The following PCBP3 variants were observed in gnomAD, a reference collection of about 807,000 sequenced individuals.
PCBP3 encodes the protein poly(rC) binding protein 3, also known as poly(rC)-binding protein 3.
In PCBP3, 25 loss-of-function variants were observed where a neutral mutation model predicts 52.7. The observed-to-expected ratio is 0.47, with a 90% CI of 0.35 to 0.66. The LOEUF (loss-of-function observed/expected upper bound fraction) is 0.66, where lower values mean the gene tolerates loss of function less well. PCBP3 is among the 30% of genes least tolerant of loss of function. The pLI, the probability that PCBP3 is intolerant of heterozygous loss-of-function variation, is 0.01. For synonymous variants in PCBP3, 162 were observed against 183.0 expected, an observed-to-expected ratio of 0.89 and a Z score of 0.93; for missense variants, 391 against 490.3, an observed-to-expected ratio of 0.80 and a Z score of 1.91.
In PCBP3 at chr21:45,805,636, G is replaced by T. The variant is rs541856167; in HGVS notation, c.-125-44325G>T. Reference sequence around the variant, plus strand: ...CCTGTCTGCTTTTGTGTCAACAGTTGGGGCAAGCACATTTTCACAGGGAGA... The same window carrying T: ...CCTGTCTGCTTTTGTGTCAACAGTTTGGGCAAGCACATTTTCACAGGGAGA... On this transcript the variant is annotated intron_variant, in intron 4 of 17. Coordinates refer to ENST00000681687, the MANE Select transcript of PCBP3 (RefSeq NM_001384156.1). This position sits in a 1 kb window ranked among gnomAD's most constrained non-coding sequence, Gnocchi z 4.6. Among the ~76,000 whole-genome samples, 1 of 152,298 alleles carries T rather than the reference G, an allele frequency of 6.6e-6. No individual in the cohort carries two copies. Among genetic ancestry groups the T allele is most frequent in the East Asian group, 1.9e-4 (1 of 5,178 alleles).
chr21:45,684,378 C>G lies in PCBP3; in HGVS notation c.-200+15426C>G, dbSNP rs111900227. On this transcript the variant is annotated intron_variant, in intron 2 of 17. Transcript: ENST00000681687. ...AACTCATAAGAGAGATAGAGAATTA[C>G]TGATTTTACTGCTTGATATAGTGTG... is the stretch of plus-strand genomic sequence containing the variant. Among the ~76,000 whole-genome samples the G allele has an allele frequency of 1.8e-4, 27 of 152,278 alleles. 1 individual carries two copies. Among genetic ancestry groups the G allele is most frequent in the African/African-American group, 6.0e-4 (25 of 41,540 alleles).
chr21:45,920,756 C>A (rs534813778), intron 13 of PCBP3, among the ~76,000 whole-genome samples: 2 of 152,310 alleles, frequency 1.3e-5, no homozygotes, highest in African/African-American at 4.8e-5. Context: ...CATGTGAGGA[C>A]AAGAGCGTTC....
At position 45,896,233 on chromosome 21, in the gene PCBP3, C is replaced by A. The variant is rs1775108375; in HGVS notation, c.36C>A (p.Val12=). The change falls in exon 6 of 18, where the codon GTC becomes GTA. Residue 12 remains valine, a synonymous_variant. Transcript: ENST00000681687. ...GTGACGCCTTCTGGGCCCCATCTGT[C>A]CTTCCTCACAGCACCCTCAGCACCT... ...GEGDAFWAPS[V]LPHSTLSTLS... is the part of the protein sequence containing the mutation. 6.4e-7 allele frequency: 1 copy of A among 1,552,100 alleles called. No individual in the cohort carries two copies. Among genetic ancestry groups the A allele is most frequent in the Non-Finnish European group, 8.7e-7 (1 of 1,147,112 alleles).
At chr21:45,911,989 C>T (rs545439274) in intron 11 of PCBP3, among the ~76,000 whole-genome samples, 4 of 152,354 alleles carry the variant, frequency 2.6e-5, no homozygotes, top group South Asian at 2.1e-4. Context: ...CCCTGCGGGC[C>T]GAGGCTCAGG....
rs188950019 is a variant in PCBP3 at position 45,893,875 on chromosome 21, G to A, written c.11-2333G>A. ...AGTGGTCCGAGCATGGGCTGCTGCA[G>A]GCTCTACTTCAGCCCTTCATTTCCT... On this transcript the variant is annotated intron_variant, in intron 5 of 17. Transcript: ENST00000681687. 1.0e-5 allele frequency: 10 copies of A among 985,408 alleles called. No individual in the cohort carries two copies. The Admixed American group carries it at 5.5e-4, about 54-fold the overall frequency. The allele number at this position is 985,408 out of a possible 1,614,324, so 61.0% of individuals were successfully genotyped here.
rs559897635 is a variant in PCBP3 at position 45,737,101 on chromosome 21, G to A, written c.-162+1672G>A. Among the ~76,000 whole-genome samples, 4 of 152,086 alleles carry A rather than the reference G, an allele frequency of 2.6e-5. No individual in the cohort carries two copies. Among genetic ancestry groups the A allele is most frequent in the Non-Finnish European group, 5.9e-5 (4 of 68,010 alleles). On this transcript the variant is annotated intron_variant, in intron 3 of 17. Coordinates refer to ENST00000681687, the MANE Select transcript of PCBP3 (RefSeq NM_001384156.1). This position sits in a 1 kb window ranked among gnomAD's most constrained non-coding sequence, Gnocchi z 4.9. ...ATCCATGGGGCAGTGAGGAGGCTGCGGGGCAGGAGGTGAGAGTGCCGCGGG... is the reference window on the plus strand; with the variant it reads ...ATCCATGGGGCAGTGAGGAGGCTGCAGGGCAGGAGGTGAGAGTGCCGCGGG...
chr21:45,799,144 G>C (rs2092180091), intron 4 of PCBP3, among the ~76,000 whole-genome samples: 2 of 152,248 alleles, frequency 1.3e-5, no homozygotes, highest in Non-Finnish European at 2.9e-5. Flanking sequence ...TAGAGAGAGT[G>C]AAAGTGTGCA....
rs2073702007 is a variant in PCBP3 at position 45,917,603 on chromosome 21, G to A, written c.691G>A (p.Gly231Arg). ...FAGGQAYTIQ[G>R]QYAIPHPDQL... ...CTCTCTCTAGGCCTACACAATCCAG[G>A]GACAGTATGCCATCCCTCACCCGGA... is the stretch of plus-strand genomic sequence containing the variant. The change falls in exon 13 of 18, where the codon GGA becomes AGA. Residue 231 changes from glycine (G) to arginine (R), a missense_variant. Physicochemically the swap from Gly to Arg is moderately radical, Grantham distance 125. Coordinates refer to ENST00000681687, the MANE Select transcript of PCBP3 (RefSeq NM_001384156.1). The surrounding 1 kb of genome is among the most constrained non-coding windows in gnomAD (Gnocchi z 5.3). The A allele has an allele frequency of 6.2e-7, 1 of 1,613,246 alleles. No homozygotes were observed. Among genetic ancestry groups the A allele is most frequent in the Non-Finnish European group, 8.5e-7 (1 of 1,179,532 alleles).
At chr21:45,931,142 C>A (rs1448017620) in intron 15 of PCBP3, among the ~76,000 whole-genome samples, 2 of 152,218 alleles carry the variant, frequency 1.3e-5, no homozygotes, top group Non-Finnish European at 2.9e-5. Flanking sequence ...TACAAGCAAA[C>A]CCTTAAGGAG....
intron 3 of PCBP3, chr21:45,744,115 G>GTT (rs1412871591): frequency 7.0e-6 from 1 of 142,068 alleles, no homozygotes; most frequent in African/African-American, 2.5e-5. Context: ...ATGTGTATAT[G>GTT]TTTTATATAT....
intron 15 of PCBP3, 74 bp from the exon 16 acceptor site, chr21:45,935,179 G>A (rs1374403835): frequency 1.9e-6 from 2 of 1,031,890 alleles, no homozygotes; most frequent in Non-Finnish European, 1.5e-6. Context: ...ACCCAGGAGA[G>A]TGAGGGACAG....
Position 45,807,674 on chromosome 21 carries a change from G to GA in PCBP3, c.-125-42281dup, listed in dbSNP as rs1319319573. 6.0e-5 allele frequency among the ~76,000 whole-genome samples: 9 copies of GA among 149,962 alleles called. No homozygotes were observed. The East Asian group carries it at 1.2e-3, about 20-fold the overall frequency. ...ACCATTGACTTACTTCACAGAATTA[G>GA]AAAAAACTACTCTAAATTTCATATG... On this transcript the variant is annotated intron_variant, in intron 4 of 17. Coordinates refer to ENST00000681687, the MANE Select transcript of PCBP3 (RefSeq NM_001384156.1).
chr21:45,750,142 C>T (rs1026608969), intron 3 of PCBP3: 2 of 152,328 alleles, frequency 1.3e-5, no homozygotes, highest in South Asian at 4.1e-4. Context: ...GAGCAACGCT[C>T]TGCCCCCACG....
At chr21:45,754,138 C>T (rs1234527173) in intron 3 of PCBP3, among the ~76,000 whole-genome samples, 1 of 151,690 alleles carries the variant, frequency 6.6e-6, no homozygotes, top group Non-Finnish European at 1.5e-5. Flanking sequence ...GACTGCTTTC[C>T]AAAATTAAAT....
At chr21:45,776,470 T>C (rs200701339) in intron 4 of PCBP3, among the ~76,000 whole-genome samples, 60 of 146,884 alleles carry the variant, frequency 4.1e-4, no homozygotes, top group Admixed American at 6.8e-4. Context: ...GAGTCTCTCT[T>C]TCTCTCTCTC....
intron 4 of PCBP3, among the ~76,000 whole-genome samples, chr21:45,804,163 A>C (rs1301543304): frequency 6.6e-6 from 1 of 151,774 alleles, no homozygotes; most frequent in Non-Finnish European, 1.5e-5. Flanking sequence ...TTTTTACCCC[A>C]TTGCTGTTTC....
rs912836171 is a variant in PCBP3, at chr21:45,928,612, G to T, written c.718-1305G>T. 6.6e-6 allele frequency among the ~76,000 whole-genome samples: 1 copy of T among 152,186 alleles called. No individual in the cohort carries two copies. Among genetic ancestry groups the T allele is most frequent in the Non-Finnish European group, 1.5e-5 (1 of 68,014 alleles). On this transcript the variant is annotated intron_variant, in intron 13 of 17. Coordinates refer to ENST00000681687, the MANE Select transcript of PCBP3 (RefSeq NM_001384156.1). The surrounding 1 kb of genome is among the most constrained non-coding windows in gnomAD (Gnocchi z 4.1). Reference sequence around the variant, plus strand: ...CAGGTGCCAGGGGTGGCCAGGGCAAGCATGGGGGTCTGGTCAGGTGCTCAG... The same window carrying T: ...CAGGTGCCAGGGGTGGCCAGGGCAATCATGGGGGTCTGGTCAGGTGCTCAG...
intron 1 of PCBP3, among the ~76,000 whole-genome samples, chr21:45,665,434 T>G (rs2080730886): frequency 6.6e-6 from 1 of 152,100 alleles, no homozygotes; most frequent in Admixed American, 6.6e-5. Context: ...CTACTGATTT[T>G]TGTTAGTTAA....
intron 17 of PCBP3, among the ~76,000 whole-genome samples, chr21:45,940,857 A>C (rs1477570629): frequency 1.3e-5 from 1 of 78,962 alleles, no homozygotes; most frequent in African/African-American, 8.3e-5. Flanking sequence ...TGATGTAAGG[A>C]ACATCCGTCC....
Sources: allele counts gnomAD v4.1 joint callset (sites outside exome capture counted in the v4.1 genomes callset), GRCh38; gene constraint gnomAD v4.1.1; non-coding constraint Gnocchi (gnomAD v3.1); transcripts MANE v1.5; gene names NCBI Gene and HGNC (gene_info 2026-07-23, HGNC 2026-07-21).